Variants in FKBP5 observed in about 807,000 individuals in gnomAD.
FKBP5 encodes the protein peptidyl-prolyl cis-trans isomerase FKBP5.
FKBP5 carries 23 observed loss-of-function variants against 50.5 expected under a neutral mutation model. That is an observed-to-expected ratio of 0.46 (90% CI 0.33 to 0.65). The LOEUF is 0.65. FKBP5 is among the 30% of genes least tolerant of loss of function. The pLI, the probability that FKBP5 is intolerant of heterozygous loss-of-function variation, is 0.02. For synonymous variants in FKBP5, 176 were observed against 190.6 expected (o/e 0.92, Z 0.63); for missense variants, 411 against 553.1 (o/e 0.74, Z 2.58).
chr6:35,672,595 T>A (rs577626447), intron 1 of FKBP5, among the ~76,000 whole-genome samples: 1 of 152,026 alleles, frequency 6.6e-6, no homozygotes, highest in African/African-American at 2.4e-5. Flanking sequence ...AGCTTACCAT[T>A]TGCAAAATGA....
intron 1 of FKBP5, among the ~76,000 whole-genome samples, chr6:35,725,049 T>C (rs1766677013): frequency 6.6e-6 from 1 of 152,160 alleles, no homozygotes; most frequent in African/African-American, 2.4e-5. Flanking sequence ...AGATTAGCCA[T>C]CAATGTGAAT....
chr6:35,662,720 T>C (rs575082346), intron 1 of FKBP5, among the ~76,000 whole-genome samples: 1 of 152,322 alleles, frequency 6.6e-6, no homozygotes, highest in Admixed American at 6.5e-5. Context: ...GTTTTGTTAA[T>C]AGGAACTCAT....
chr6:35,583,947 TCTC>T (rs1308645430), intron 8 of FKBP5: 44 of 985,334 alleles, frequency 4.5e-5, no homozygotes, highest in South Asian at 2.3e-4. Context: ...GTTGAACAAT[TCTC>T]CTCAACTAGT....
At chr6:35,687,785 G>A (rs958539185) in intron 1 of FKBP5, among the ~76,000 whole-genome samples, 1 of 152,138 alleles carries the variant, frequency 6.6e-6, no homozygotes, top group African/African-American at 2.4e-5. Context: ...CCACACTGAA[G>A]GGTATCTACA....
intron 1 of FKBP5, among the ~76,000 whole-genome samples, chr6:35,666,629 G>T (rs1269560435): frequency 6.6e-6 from 1 of 152,030 alleles, no homozygotes; most frequent in Non-Finnish European, 1.5e-5. Context: ...GGTGGCTCAC[G>T]CCTGTAATCC....
At chr6:35,650,932 T>C (rs1295142448) in intron 1 of FKBP5, among the ~76,000 whole-genome samples, 1 of 152,186 alleles carries the variant, frequency 6.6e-6, no homozygotes, top group Non-Finnish European at 1.5e-5. Flanking sequence ...TTTTTCACTG[T>C]TTTCCCTTTA....
chr6:35,645,446 AAG>A (rs1207978272), intron 1 of FKBP5, among the ~76,000 whole-genome samples: 1 of 152,146 alleles, frequency 6.6e-6, no homozygotes, highest in Non-Finnish European at 1.5e-5. Flanking sequence ...AAGATAAAAA[AAG>A]AGAGAGAAAG....
chr6:35,656,418 T>C (rs188120209), intron 1 of FKBP5, among the ~76,000 whole-genome samples: 1 of 152,326 alleles, frequency 6.6e-6, no homozygotes, highest in East Asian at 1.9e-4. Flanking sequence ...TATAAATATA[T>C]GTTTTACTTT....
At chr6:35,643,909 AC>A (rs1764561348) in intron 1 of FKBP5, among the ~76,000 whole-genome samples, 1 of 152,142 alleles carries the variant, frequency 6.6e-6, no homozygotes, top group African/African-American at 2.4e-5. Context: ...GAATGCCTCT[AC>A]CTTTGAGAAT....
At chr6:35,709,013 C>T (rs1441466370) in intron 2 of FKBP5, among the ~76,000 whole-genome samples, 1 of 152,146 alleles carries the variant, frequency 6.6e-6, no homozygotes, top group Non-Finnish European at 1.5e-5. Flanking sequence ...GCAGCCAAAC[C>T]TAATCTTAAC....
chr6:35,718,654 T>C (rs1766553964), intron 2 of FKBP5, among the ~76,000 whole-genome samples: 1 of 152,250 alleles, frequency 6.6e-6, no homozygotes, highest in Non-Finnish European at 1.5e-5. Flanking sequence ...TGTGGCTTAG[T>C]TATTCTCCTA....
Position 35,642,832 on chromosome 6 carries a change from T to C in FKBP5, c.-8A>G, listed in dbSNP as rs978304692. The C allele has an allele frequency of 1.2e-6, 2 of 1,608,264 alleles. No homozygotes were observed. The highest frequency in any genetic ancestry group is 1.3e-5 in the African/African-American group (1 of 74,734). On this transcript the variant is annotated 5_prime_UTR_variant, in exon 2 of 11. Coordinates refer to ENST00000357266, the MANE Select transcript of FKBP5 (RefSeq NM_004117.4). Reference sequence around the variant, plus strand: ...ACCTTCATCAGTAGTCATTGTCTTTTAAGTAGAGAACCTGGTAAGAAGAAA... The same window carrying C: ...ACCTTCATCAGTAGTCATTGTCTTTCAAGTAGAGAACCTGGTAAGAAGAAA...
At chr6:35,675,382 C>A (rs1438310526) in intron 1 of FKBP5, among the ~76,000 whole-genome samples, 1 of 152,142 alleles carries the variant, frequency 6.6e-6, no homozygotes, top group South Asian at 2.1e-4. Flanking sequence ...CCAGCCTGAC[C>A]AACATGGTGA....
chr6:35,609,965 G>C (rs1763438992), intron 5 of FKBP5, among the ~76,000 whole-genome samples: 1 of 152,050 alleles, frequency 6.6e-6, no homozygotes, highest in Admixed American at 6.6e-5. Context: ...CTTTTTTCGT[G>C]ATATTTGCTG....
At chr6:35,644,406 A>G (rs1166114353) in intron 1 of FKBP5, among the ~76,000 whole-genome samples, 1 of 152,250 alleles carries the variant, frequency 6.6e-6, no homozygotes, top group Admixed American at 6.5e-5. Context: ...TGTCTTATTG[A>G]TACAACTATA....
chr6:35,588,185 C>T (rs1423245878), intron 7 of FKBP5, among the ~76,000 whole-genome samples: 1 of 151,750 alleles, frequency 6.6e-6, no homozygotes, highest in Non-Finnish European at 1.5e-5. Flanking sequence ...ACCACCATGC[C>T]CGGCTAATTT....
At chr6:35,601,805 T>C (rs570353243) in intron 5 of FKBP5, among the ~76,000 whole-genome samples, 1 of 152,210 alleles carries the variant, frequency 6.6e-6, no homozygotes, top group East Asian at 1.9e-4. Context: ...AGAATAAAAG[T>C]ACATACAGGA....
chr6:35,702,752 A>G (rs750650224), intron 2 of FKBP5, among the ~76,000 whole-genome samples: 3 of 151,880 alleles, frequency 2.0e-5, no homozygotes, highest in South Asian at 2.1e-4. Context: ...GCGCCCAGCC[A>G]TATAAACTGA....
At chr6:35,670,194 G>A (rs1168467524) in intron 1 of FKBP5, among the ~76,000 whole-genome samples, 1 of 152,072 alleles carries the variant, frequency 6.6e-6, no homozygotes, top group Non-Finnish European at 1.5e-5. Flanking sequence ...GTTCTAAAAG[G>A]TATCTTTGCT....
Sources: gnomAD v4.1 joint callset for allele counts (sites outside exome capture counted in the v4.1 genomes callset) on GRCh38, gnomAD v4.1.1 for gene constraint, MANE v1.5 for transcripts, NCBI Gene and HGNC (gene_info 2026-07-23, HGNC 2026-07-21) for gene names.